Variants in RGCC observed in about 807,000 individuals in gnomAD.
RGCC encodes the protein regulator of cell cycle, also known as regulator of cell cycle RGCC.
In RGCC, 15 loss-of-function variants were observed where a neutral mutation model predicts 15.4. That is an observed-to-expected ratio of 0.97 (90% CI 0.65 to 1.50). The LOEUF is 1.50. RGCC is among the 40% of genes most tolerant of loss of function. The probability of loss-of-function intolerance (pLI) is 0.00; values close to 1 mark genes in which losing one functional copy is unlikely to be tolerated. For missense variants in RGCC, 176 were observed against 189.7 expected, an observed-to-expected ratio of 0.93 and a Z score of 0.42; for synonymous variants, 81 against 78.0, an observed-to-expected ratio of 1.04 and a Z score of -0.20.
chr13:41,464,787 C>T (rs1240774453), intron 2 of RGCC, among the ~76,000 whole-genome samples: 1 of 152,146 alleles, frequency 6.6e-6, no homozygotes, highest in Non-Finnish European at 1.5e-5. Context: ...CCATGTTCAT[C>T]CTCAAAGCCC....
rs578260355 is a variant in RGCC, at chr13:41,457,899, C to T, written c.49+143C>T. On this transcript the variant is annotated intron_variant, in intron 1 of 4. Transcript: ENST00000379359. This position sits in a 1 kb window ranked among gnomAD's most constrained non-coding sequence, Gnocchi z 4.9. Reference sequence around the variant, plus strand: ...CCTGTCCCCGGTCTTCCCGCGCGGGCGGCTGCAGCCTCCTTTCCGGCCCGG... The same window carrying T: ...CCTGTCCCCGGTCTTCCCGCGCGGGTGGCTGCAGCCTCCTTTCCGGCCCGG... 1.6e-6 allele frequency: 2 copies of T among 1,244,076 alleles called. No individual in the cohort carries two copies. The highest frequency in any genetic ancestry group is 1.6e-5 in the African/African-American group (1 of 63,000). The allele number at this position is 1,244,076 out of a possible 1,614,324, so 77.1% of individuals were successfully genotyped here. A position where few individuals can be genotyped will look rare whatever the true frequency, so the allele number is the denominator to read the frequency against.
At chr13:41,466,191 TCACA>T (rs949728575) in intron 2 of RGCC, among the ~76,000 whole-genome samples, 17 of 44,712 alleles carry the variant, frequency 3.8e-4, no homozygotes, top group South Asian at 2.3e-3. Context: ...ACACACACAC[TCACA>T]CACACTCATA....
intron 2 of RGCC, among the ~76,000 whole-genome samples, chr13:41,460,514 G>A (rs191417641): frequency 6.6e-6 from 1 of 152,268 alleles, no homozygotes; most frequent in African/African-American, 2.4e-5. Flanking sequence ...GCTGGAATGG[G>A]AACCATGTCT....
At chr13:41,466,963 C>CT in intron 3 of RGCC, 33 bp downstream of exon 3, 2 of 1,371,310 alleles carry the variant, frequency 1.5e-6, no homozygotes, top group Non-Finnish European at 2.1e-6. Flanking sequence ...GAGTTTTTTG[C>CT]TTTTTTATTC....
intron 3 of RGCC, among the ~76,000 whole-genome samples, chr13:41,468,035 A>G (rs568900424): frequency 6.6e-6 from 1 of 152,176 alleles, no homozygotes; most frequent in Non-Finnish European, 1.5e-5. Context: ...ACAAAAATAA[A>G]GTCAGCTATA....
At position 41,458,344 on chromosome 13, in the gene RGCC, G is replaced by C; in HGVS notation, c.109G>C (p.Ala37Pro). Residue 37 changes from alanine to proline, a missense_variant, in exon 2 of 5, where the codon GCG (alanine) becomes CCG (proline). Ala to Pro is a conservative substitution (Grantham distance 27). Coordinates refer to ENST00000379359, the MANE Select transcript of RGCC (RefSeq NM_014059.3). This position sits in a 1 kb window ranked among gnomAD's most constrained non-coding sequence, Gnocchi z 4.4. ...DLSDALCEFD[A>P]VLADFASPFH... ...GTCGGACGCGCTGTGCGAGTTTGAC[G>C]CGGTGCTGGCCGACTTCGCGTCGCC... 1 of 1,590,402 alleles carries C rather than the reference G, an allele frequency of 6.3e-7. No individual in the cohort carries two copies. Among genetic ancestry groups the C allele is most frequent in the Non-Finnish European group, 8.5e-7 (1 of 1,174,722 alleles).
At chr13:41,470,301 C>T (rs1438086769) in intron 4 of RGCC, among the ~76,000 whole-genome samples, 177 bp from the exon 5 acceptor site, 1 of 152,170 alleles carries the variant, frequency 6.6e-6, no homozygotes, top group Non-Finnish European at 1.5e-5. Context: ...ACAAGCCTGT[C>T]TACTTCATGG....
intron 3 of RGCC, 104 bp downstream of exon 3, chr13:41,467,034 A>G: frequency 2.6e-6 from 2 of 764,012 alleles, no homozygotes; most frequent in South Asian, 1.5e-5. Flanking sequence ...TCTCAAATGT[A>G]CAAAACAAAT....
intron 2 of RGCC, among the ~76,000 whole-genome samples, chr13:41,464,433 C>T (rs1406212878): frequency 3.9e-5 from 6 of 151,940 alleles, no homozygotes; most frequent in African/African-American, 7.3e-5. Context: ...AAAGGGCTTC[C>T]CTTGGGAGAA....
rs2043800346 is a variant in RGCC at position 41,457,853 on chromosome 13, T to G, written c.49+97T>G. The G allele has an allele frequency of 6.0e-6, 8 of 1,325,858 alleles. No homozygotes were observed. The highest frequency in any genetic ancestry group is 6.8e-6 in the Non-Finnish European group (7 of 1,033,400). 82.1% of individuals were successfully genotyped at this position (1,325,858 alleles called of 1,614,324 possible). On this transcript the variant is annotated intron_variant, in intron 1 of 4. Coordinates refer to ENST00000379359, the MANE Select transcript of RGCC (RefSeq NM_014059.3). The surrounding 1 kb of genome is among the most constrained non-coding windows in gnomAD (Gnocchi z 4.9). ...TGTCGTCCCTTCACACCCCCCACCC[T>G]TCCATCCTCCCCGGCGGGAACCTGT...
intron 4 of RGCC, among the ~76,000 whole-genome samples, chr13:41,469,978 G>A (rs926992548): frequency 2.6e-5 from 4 of 152,118 alleles, no homozygotes; most frequent in Non-Finnish European, 5.9e-5. Context: ...GGAAAATTTT[G>A]TCCCAGCCCC....
intron 3 of RGCC, among the ~76,000 whole-genome samples, chr13:41,467,362 A>T (rs2043854077): frequency 6.6e-6 from 1 of 152,248 alleles, no homozygotes; most frequent in Non-Finnish European, 1.5e-5. Flanking sequence ...CCAATTTAGC[A>T]ATTAAATGGG....
chr13:41,458,156 T>A lies in RGCC; in HGVS notation c.50-129T>A, dbSNP rs1593574338. 1.4e-6 allele frequency: 1 copy of A among 732,218 alleles called. No individual in the cohort carries two copies. The highest frequency in any genetic ancestry group is 2.7e-5 in the East Asian group (1 of 36,588). The allele number at this position is 732,218 out of a possible 1,614,324, so 45.4% of individuals were successfully genotyped here. A position where few individuals can be genotyped will look rare whatever the true frequency, so the allele number is the denominator to read the frequency against. ...AGATTACAAGGTAACAGCGACTGCG[T>A]GGCTGTCACTTGGCAGAGGCGCCAA... On this transcript the variant is annotated intron_variant, in intron 1 of 4. Coordinates refer to ENST00000379359, the MANE Select transcript of RGCC (RefSeq NM_014059.3). This position sits in a 1 kb window ranked among gnomAD's most constrained non-coding sequence, Gnocchi z 4.4.
chr13:41,457,626 G>C lies in RGCC; in HGVS notation c.-82G>C. ...AGGGACTGGCAGGGCTGAAGTGTGCGGGACAGCAAGCCCCCGAATAGCCCC... is the reference window on the plus strand; with the variant it reads ...AGGGACTGGCAGGGCTGAAGTGTGCCGGACAGCAAGCCCCCGAATAGCCCC... On this transcript the variant is annotated 5_prime_UTR_variant, in exon 1 of 5. Coordinates refer to ENST00000379359, the MANE Select transcript of RGCC (RefSeq NM_014059.3). This position sits in a 1 kb window ranked among gnomAD's most constrained non-coding sequence, Gnocchi z 4.9. 1.3e-6 allele frequency: 2 copies of C among 1,492,102 alleles called. No homozygotes were observed. Among genetic ancestry groups the C allele is most frequent in the Admixed American group, 4.5e-5 (2 of 44,386 alleles). The allele number at this position is 1,492,102 out of a possible 1,614,324, so 92.4% of individuals were successfully genotyped here.
chr13:41,466,703 A>G (rs2043850988), intron 2 of RGCC, 120 bp from the exon 3 acceptor site: 2 of 699,286 alleles, frequency 2.9e-6, no homozygotes, highest in African/African-American at 1.8e-5. Context: ...TTTCTTTACT[A>G]TAGAGTTGCA....
intron 2 of RGCC, among the ~76,000 whole-genome samples, chr13:41,461,412 T>G (rs2043820506): frequency 6.6e-6 from 1 of 152,242 alleles, no homozygotes; most frequent in East Asian, 1.9e-4. Context: ...TCAGTATTTT[T>G]AAAACTGTAA....
At chr13:41,464,244 A>C (rs1325956253) in intron 2 of RGCC, 1 of 152,436 alleles carries the variant, frequency 6.6e-6, no homozygotes, top group East Asian at 1.9e-4. Context: ...GAGTCTAGGC[A>C]TGAGGCCTGC....
Position 41,458,669 on chromosome 13 carries a change from G to T in RGCC, c.235+199G>T, listed in dbSNP as rs1031383453. On this transcript the variant is annotated intron_variant, in intron 2 of 4. Transcript: ENST00000379359. This position sits in a 1 kb window ranked among gnomAD's most constrained non-coding sequence, Gnocchi z 4.4. The stretch of plus-strand genomic sequence containing the variant: ...TGGAGGGCAGGTTGGTTCACTTGCC[G>T]CCCACGGGTGTGTCACCAGGCAGGC... Among the ~76,000 whole-genome samples, 2 of 152,188 alleles carry T rather than the reference G, an allele frequency of 1.3e-5. No homozygotes were observed. The highest frequency in any genetic ancestry group is 4.8e-5 in the African/African-American group (2 of 41,446).
chr13:41,458,602 A>G lies in RGCC; in HGVS notation c.235+132A>G. The G allele has an allele frequency of 9.4e-7, 1 of 1,059,902 alleles. No individual in the cohort carries two copies. The highest frequency in any genetic ancestry group is 1.3e-6 in the Non-Finnish European group (1 of 756,754). The allele number at this position is 1,059,902 out of a possible 1,614,324, so 65.7% of individuals were successfully genotyped here. A position where few individuals can be genotyped will look rare whatever the true frequency, so the allele number is the denominator to read the frequency against. On this transcript the variant is annotated intron_variant, in intron 2 of 4. Coordinates refer to ENST00000379359, the MANE Select transcript of RGCC (RefSeq NM_014059.3). The surrounding 1 kb of genome is among the most constrained non-coding windows in gnomAD (Gnocchi z 4.4). The stretch of plus-strand genomic sequence containing the variant: ...TCCTGAAGCTCAACGCAGTAGGCCG[A>G]GTGGTGGCGGGGCCCCTGACGATAA...
Sources: gnomAD v4.1 joint callset for allele counts (sites outside exome capture counted in the v4.1 genomes callset) on GRCh38, gnomAD v4.1.1 for gene constraint, Gnocchi (gnomAD v3.1) non-coding constraint, MANE v1.5 for transcripts, NCBI Gene and HGNC (gene_info 2026-07-23, HGNC 2026-07-21) for gene names.